The following KLHL18 variants were observed in gnomAD, a reference collection of about 807,000 sequenced individuals.
KLHL18 encodes the protein kelch-like protein 18.
Under a neutral mutation model 58.5 loss-of-function variants are expected in KLHL18, and 38 were observed. The observed-to-expected ratio is 0.65, with a 90% CI of 0.50 to 0.85. The LOEUF (loss-of-function observed/expected upper bound fraction) is 0.85. Ranked by LOEUF, KLHL18 falls within the 40% of genes least tolerant of loss-of-function variation. KLHL18 has a pLI of 0.00. For missense variants in KLHL18, 624 were observed against 778.4 expected (o/e 0.80, Z 2.36); for synonymous variants, 303 against 301.9 (o/e 1.00, Z -0.04).
chr3:47,289,744 G>A (rs1031680806), intron 1 of KLHL18, among the ~76,000 whole-genome samples: 3 of 152,108 alleles, frequency 2.0e-5, no homozygotes, highest in African/African-American at 4.8e-5. Flanking sequence ...ATAGTTGAAC[G>A]ACTGCACTGC....
chr3:47,328,499 A>G (rs1333672093), intron 3 of KLHL18, among the ~76,000 whole-genome samples: 2 of 152,120 alleles, frequency 1.3e-5, no homozygotes, highest in African/African-American at 2.4e-5. Context: ...AATTACTGAC[A>G]CTTGGAAGAA....
intron 2 of KLHL18, 114 bp downstream of exon 2, chr3:47,319,897 C>T (rs1703545618): frequency 9.0e-7 from 1 of 1,109,530 alleles, no homozygotes; most frequent in African/African-American, 1.5e-5. Flanking sequence ...CCTAGCTCTA[C>T]ACAAATAATA....
chr3:47,330,697 C>A (rs1326831735), intron 4 of KLHL18, among the ~76,000 whole-genome samples: 1 of 152,118 alleles, frequency 6.6e-6, no homozygotes, highest in Non-Finnish European at 1.5e-5. Flanking sequence ...TAGAAATAAT[C>A]CTCCTGTGAA....
At chr3:47,304,402 C>T (rs1317006269) in intron 1 of KLHL18, among the ~76,000 whole-genome samples, 1 of 151,826 alleles carries the variant, frequency 6.6e-6, no homozygotes, top group Non-Finnish European at 1.5e-5. Flanking sequence ...ACTCGGGAGC[C>T]TGAGGTAGGA....
At chr3:47,289,930 T>C (rs1489076085) in intron 1 of KLHL18, among the ~76,000 whole-genome samples, 1 of 152,190 alleles carries the variant, frequency 6.6e-6, no homozygotes, top group Non-Finnish European at 1.5e-5. Context: ...ATTTGGATGA[T>C]GGTTACACTA....
intron 8 of KLHL18, 55 bp downstream of exon 8, chr3:47,340,731 A>G: frequency 6.2e-7 from 1 of 1,600,974 alleles, no homozygotes; most frequent in South Asian, 1.1e-5. Flanking sequence ...AGAGTATAAA[A>G]ATCAGAACTG....
chr3:47,301,442 A>C (rs1413326424), intron 1 of KLHL18, among the ~76,000 whole-genome samples: 1 of 151,848 alleles, frequency 6.6e-6, no homozygotes, highest in Non-Finnish European at 1.5e-5. Context: ...TTGCATATGG[A>C]TATCCAGTTG....
At chr3:47,296,907 G>A (rs1702907735) in intron 1 of KLHL18, among the ~76,000 whole-genome samples, 1 of 152,190 alleles carries the variant, frequency 6.6e-6, no homozygotes, top group African/African-American at 2.4e-5. Context: ...CAAATCAGTT[G>A]AAGTTGGTAT....
intron 9 of KLHL18, among the ~76,000 whole-genome samples, chr3:47,343,105 A>G (rs1704145910): frequency 6.6e-6 from 1 of 152,218 alleles, no homozygotes; most frequent in African/African-American, 2.4e-5. Flanking sequence ...ATTCCTGCCC[A>G]AAGTAAGTTC....
intron 3 of KLHL18, among the ~76,000 whole-genome samples, chr3:47,327,777 C>T (rs540450603): frequency 5.3e-5 from 8 of 152,338 alleles, no homozygotes; most frequent in African/African-American, 1.9e-4. Context: ...GTCATAAAGC[C>T]AGGCTCCAAG....
At chr3:47,299,942 A>G (rs1702978796) in intron 1 of KLHL18, among the ~76,000 whole-genome samples, 1 of 150,614 alleles carries the variant, frequency 6.6e-6, no homozygotes, top group South Asian at 2.1e-4. Flanking sequence ...ATCAAACCTT[A>G]TCTGAATCTC....
At chr3:47,291,134 T>C (rs1189487010) in intron 1 of KLHL18, among the ~76,000 whole-genome samples, 1 of 152,238 alleles carries the variant, frequency 6.6e-6, no homozygotes, top group African/African-American at 2.4e-5. Context: ...TTTATTATTC[T>C]GTACATGAGA....
In KLHL18 at chr3:47,334,659, C is replaced by G; in HGVS notation, c.762-24C>G. 1 of 1,613,732 alleles carries G rather than the reference C, an allele frequency of 6.2e-7. No homozygotes were observed. The highest frequency in any genetic ancestry group is 8.5e-7 in the Non-Finnish European group (1 of 1,179,732). ...CTAAGTCAGGGGGATACCTCCTGTT[C>G]TAGCATCTTCCACCTTATTCTAGGG... On this transcript the variant is annotated intron_variant, in intron 5 of 9. Coordinates refer to ENST00000232766, the MANE Select transcript of KLHL18 (RefSeq NM_025010.5). This position sits in a 1 kb window ranked among gnomAD's most constrained non-coding sequence, Gnocchi z 4.7.
intron 9 of KLHL18, 114 bp from the exon 10 acceptor site, chr3:47,343,441 A>C: frequency 3.9e-6 from 5 of 1,277,748 alleles, no homozygotes; most frequent in Non-Finnish European, 5.5e-6. Context: ...CCTTGTCCCC[A>C]TACCTCCCAC....
intron 3 of KLHL18, among the ~76,000 whole-genome samples, chr3:47,327,389 C>A (rs1703751205): frequency 6.6e-6 from 1 of 152,218 alleles, no homozygotes; most frequent in Non-Finnish European, 1.5e-5. Context: ...CATTGGCTCC[C>A]ATATCCTTGG....
rs775179182 is a variant in KLHL18 at position 47,336,627 on chromosome 3, G to A, written c.991G>A (p.Val331Met). The change falls in exon 7 of 10, where the codon GTG (valine) becomes ATG (methionine). Residue 331 changes from valine to methionine, a missense_variant. Val to Met is a conservative substitution (Grantham distance 21, BLOSUM62 1). Transcript: ENST00000232766. ...PMTTARSRVGVAVVNGLLYAI... is the reference protein window; with the variant it reads ...PMTTARSRVGMAVVNGLLYAI... ...GACAACAGCCCGCAGCCGCGTTGGC[G>A]TGGCTGTGGTGAACGGGCTTCTCTA... 21 of 1,614,140 alleles carry A rather than the reference G, an allele frequency of 1.3e-5. No individual in the cohort carries two copies. The highest frequency in any genetic ancestry group is 4.5e-5 in the East Asian group (2 of 44,902).
chr3:47,341,430 T>G (rs1383287331), intron 8 of KLHL18, among the ~76,000 whole-genome samples: 1 of 152,178 alleles, frequency 6.6e-6, no homozygotes, highest in Non-Finnish European at 1.5e-5. Flanking sequence ...GGCCATGGGT[T>G]GCATCATGAT....
chr3:47,322,758 G>T (rs769121886), intron 3 of KLHL18, 50 bp downstream of exon 3: 2 of 1,467,362 alleles, frequency 1.4e-6, no homozygotes, highest in Admixed American at 4.7e-5. Context: ...TTCATTTCTG[G>T]AATCTTCTGC....
intron 1 of KLHL18, among the ~76,000 whole-genome samples, chr3:47,315,197 G>C (rs1559494852): frequency 6.6e-6 from 1 of 152,168 alleles, no homozygotes; most frequent in South Asian, 2.1e-4. Context: ...GCCTCCCGGG[G>C]GAGAAACTGA....
Sources: gnomAD v4.1 joint callset for allele counts (sites outside exome capture counted in the v4.1 genomes callset) on GRCh38, gnomAD v4.1.1 for gene constraint, Gnocchi (gnomAD v3.1) non-coding constraint, MANE v1.5 for transcripts, NCBI Gene and HGNC (gene_info 2026-07-23, HGNC 2026-07-21) for gene names.